The following SLF2 variants were observed in gnomAD, a reference collection of about 807,000 sequenced individuals.
SLF2 encodes the protein SMC5-SMC6 complex localization factor protein 2.
Under a neutral mutation model 124.3 loss-of-function variants are expected in SLF2, and 68 were observed. That is an observed-to-expected ratio of 0.55 (90% CI 0.45 to 0.67). The LOEUF is 0.67. Ranked by LOEUF, SLF2 falls within the 30% of genes least tolerant of loss-of-function variation. The probability of loss-of-function intolerance (pLI) is 0.00; values close to 1 mark genes in which losing one functional copy is unlikely to be tolerated. For missense variants in SLF2, 1,246 were observed against 1,373.7 expected (o/e 0.91, Z 1.47); for synonymous variants, 480 against 478.8 (o/e 1.00, Z -0.03).
chr10:100,948,887 A>C (rs1235506315), intron 15 of SLF2, among the ~76,000 whole-genome samples: 2 of 152,192 alleles, frequency 1.3e-5, no homozygotes, highest in Non-Finnish European at 2.9e-5. Context: ...CTCTGTCTCA[A>C]AAAAAAGCCC....
At position 100,947,064 on chromosome 10, in the gene SLF2, A is replaced by G. The variant is rs1229937386; in HGVS notation, c.2960A>G (p.Asn987Ser). ...TKVPELCLGINELSSHPHNLL... is the reference protein window; with the variant it reads ...TKVPELCLGISELSSHPHNLL... ...GTGCCTGAACTCTGTCTGGGCATAA[A>G]TGAACTCTCCAGTCATCCCCACAAC... The change falls in exon 14 of 20, where the codon AAT (asparagine) becomes AGT (serine). Residue 987 changes from asparagine to serine, a missense_variant. Physicochemically the swap from Asn to Ser is conservative, Grantham distance 46. Coordinates refer to ENST00000238961, the MANE Select transcript of SLF2 (RefSeq NM_018121.4). 1 of 1,613,650 alleles carries G rather than the reference A, an allele frequency of 6.2e-7. No individual in the cohort carries two copies. The highest frequency in any genetic ancestry group is 8.5e-7 in the Non-Finnish European group (1 of 1,179,784).
At chr10:100,952,618 T>G (rs146053196) in intron 17 of SLF2, among the ~76,000 whole-genome samples, 3 of 151,952 alleles carry the variant, frequency 2.0e-5, no homozygotes, top group Non-Finnish European at 4.4e-5. Flanking sequence ...CTAATTCTTA[T>G]GTTTTTATAA....
intron 1 of SLF2, chr10:100,913,627 C>T: frequency 9.3e-7 from 1 of 1,080,700 alleles, no homozygotes; most frequent in Non-Finnish European, 1.1e-6. Flanking sequence ...GTAATATAAA[C>T]CTTTTCTATG....
intron 9 of SLF2, among the ~76,000 whole-genome samples, chr10:100,932,816 G>A (rs535964078): frequency 6.6e-6 from 1 of 152,168 alleles, no homozygotes; most frequent in South Asian, 2.1e-4. Context: ...AGAGTACCGG[G>A]GTGAGAGAGA....
intron 11 of SLF2, among the ~76,000 whole-genome samples, chr10:100,941,643 G>A (rs184468033): frequency 1.3e-5 from 2 of 152,260 alleles, no homozygotes; most frequent in Admixed American, 6.5e-5. Flanking sequence ...ACCCTGACCT[G>A]TTTTCTGTTT....
At chr10:100,957,330 ATTTTTTTTTTT>A (rs71013477) in intron 18 of SLF2, among the ~76,000 whole-genome samples, 22 of 91,852 alleles carry the variant, frequency 2.4e-4, no homozygotes, top group African/African-American at 9.6e-4. Flanking sequence ...GGAGTCTTCA[ATTTTTTTTTTT>A]TTTTTTTTTT....
Position 100,964,651 on chromosome 10 carries a change from G to A in SLF2, c.*2739G>A, listed in dbSNP as rs1183862051. 6.6e-6 allele frequency: 1 copy of A among 152,626 alleles called. No individual in the cohort carries two copies. The highest frequency in any genetic ancestry group is 1.5e-5 in the Non-Finnish European group (1 of 68,046). 9.5% of individuals were successfully genotyped at this position (152,626 alleles called of 1,614,324 possible). A position where few individuals can be genotyped will look rare whatever the true frequency, so the allele number is the denominator to read the frequency against. On this transcript the variant is annotated 3_prime_UTR_variant, in exon 20 of 20. Transcript: ENST00000238961. Reference sequence around the variant, plus strand: ...TCAAATGTAAAAGATACAAAATGGCGTGTTATCATCCAGGCTTAGTTGGAG... The same window carrying A: ...TCAAATGTAAAAGATACAAAATGGCATGTTATCATCCAGGCTTAGTTGGAG...
chr10:100,933,941 A>T (rs537746485), intron 9 of SLF2, among the ~76,000 whole-genome samples: 1 of 152,330 alleles, frequency 6.6e-6, no homozygotes, highest in South Asian at 2.1e-4. Flanking sequence ...GGCCTCCCAA[A>T]GTTCTGGGAC....
rs761277065 is a variant in SLF2 at position 100,913,211 on chromosome 10, A to G, written c.101A>G (p.His34Arg). 31 of 1,612,022 alleles carry G rather than the reference A, an allele frequency of 1.9e-5. No individual in the cohort carries two copies. The highest frequency in any genetic ancestry group is 1.7e-4 in the Middle Eastern group (1 of 6,054). ...CATCTGAGACCCGGTAGTACCGCCC[A>G]TGCTGCAGCGGGAAAGAGAACAGAG... Reference protein sequence around the residue: ...RCHLRPGSTAHAAAGKRTESP... With the variant: ...RCHLRPGSTARAAAGKRTESP... The change falls in exon 1 of 20, where the codon CAT becomes CGT. Residue 34 changes from histidine (H) to arginine (R), a missense_variant. By Grantham distance (29) the His-to-Arg change is conservative. Transcript: ENST00000238961.
At chr10:100,914,472 G>A (rs952463436) in intron 1 of SLF2, among the ~76,000 whole-genome samples, 5 of 152,128 alleles carry the variant, frequency 3.3e-5, no homozygotes, top group Non-Finnish European at 7.3e-5. Context: ...TAATCAAAAA[G>A]GAGTCTGAGG....
At chr10:100,948,092 A>C (rs1850139158) in intron 15 of SLF2, among the ~76,000 whole-genome samples, 1 of 152,264 alleles carries the variant, frequency 6.6e-6, no homozygotes, top group Non-Finnish European at 1.5e-5. Flanking sequence ...TTAATGTATA[A>C]AGAAACTACT....
rs1026045611 is a variant in SLF2, at chr10:100,963,154, G to A, written c.*1242G>A. The A allele has an allele frequency of 6.6e-6, 1 of 152,528 alleles. No homozygotes were observed. The highest frequency in any genetic ancestry group is 1.5e-5 in the Non-Finnish European group (1 of 68,026). The allele number at this position is 152,528 out of a possible 1,614,324, so 9.4% of individuals were successfully genotyped here. On this transcript the variant is annotated 3_prime_UTR_variant, in exon 20 of 20. Coordinates refer to ENST00000238961, the MANE Select transcript of SLF2 (RefSeq NM_018121.4). ...TCTCCTGAGTGCTCTAGTGTCTCCA[G>A]TTGTGGGGGGGAAAGATGATGGAGG...
At chr10:100,933,100 T>C (rs1034180489) in intron 9 of SLF2, among the ~76,000 whole-genome samples, 4 of 152,100 alleles carry the variant, frequency 2.6e-5, no homozygotes, top group Non-Finnish European at 5.9e-5. Context: ...AGACCCCATA[T>C]CAAAAAAACA....
Position 100,937,397 on chromosome 10 carries a change from G to T in SLF2, c.2437-5G>T. The T allele has an allele frequency of 1.2e-6, 2 of 1,601,222 alleles. No individual in the cohort carries two copies. Among genetic ancestry groups the T allele is most frequent in the South Asian group, 2.2e-5 (2 of 90,740 alleles). On this transcript the variant is annotated splice_region_variant and splice_polypyrimidine_tract_variant and intron_variant, in intron 9 of 19. Coordinates refer to ENST00000238961, the MANE Select transcript of SLF2 (RefSeq NM_018121.4). Reference sequence around the variant, plus strand: ...AATATCCTGTCATTTCTCTGCTTTTGACAGATGATGTCAGTTCATACAGAC... The same window carrying T: ...AATATCCTGTCATTTCTCTGCTTTTTACAGATGATGTCAGTTCATACAGAC...
At chr10:100,917,373 TAA>T (rs1375658645) in intron 3 of SLF2, 73 bp downstream of exon 3, 1 of 1,447,216 alleles carries the variant, frequency 6.9e-7, no homozygotes, top group Admixed American at 2.3e-5. Flanking sequence ...TAAAAATATT[TAA>T]GAGTTGTTAC....
In SLF2 at chr10:100,924,704, G is replaced by T. The variant is rs758364735; in HGVS notation, c.1703G>T (p.Ser568Ile). 1.2e-6 allele frequency: 2 copies of T among 1,614,020 alleles called. No homozygotes were observed. Among genetic ancestry groups the T allele is most frequent in the East Asian group, 4.5e-5 (2 of 44,904 alleles). ...TTGGAAGTTGTGCCATGTATCCCAA[G>T]CCCTGCAGCACCTTCAGATAAAGCC... ...AALEVVPCIP[S>I]PAAPSDKAPS... The change falls in exon 5 of 20, where the codon AGC (serine) becomes ATC (isoleucine). Residue 568 changes from serine to isoleucine, a missense_variant. Physicochemically the swap from Ser to Ile is moderately radical, Grantham distance 142. Coordinates refer to ENST00000238961, the MANE Select transcript of SLF2 (RefSeq NM_018121.4).
chr10:100,963,909 AT>A lies in SLF2; in HGVS notation c.*2000del, dbSNP rs1345144337. ...GAAAAAAATCTCTATTTTTAATTATATTTCTCCTTTAGAAAAAAAATACTTC... is the reference window on the plus strand; with the variant it reads ...GAAAAAAATCTCTATTTTTAATTATATTCTCCTTTAGAAAAAAAATACTTC... On this transcript the variant is annotated 3_prime_UTR_variant, in exon 20 of 20. Coordinates refer to ENST00000238961, the MANE Select transcript of SLF2 (RefSeq NM_018121.4). The A allele has an allele frequency of 6.6e-6, 1 of 152,480 alleles. No homozygotes were observed. The highest frequency in any genetic ancestry group is 1.5e-5 in the Non-Finnish European group (1 of 67,994). The allele number at this position is 152,480 out of a possible 1,614,324, so 9.4% of individuals were successfully genotyped here.
intron 13 of SLF2, among the ~76,000 whole-genome samples, chr10:100,945,888 A>C (rs1850095690): frequency 6.6e-6 from 1 of 152,192 alleles, no homozygotes; most frequent in African/African-American, 2.4e-5. Context: ...ACTACAAATG[A>C]AAATAAAGCA....
At position 100,956,481 on chromosome 10, in the gene SLF2, G is replaced by A; in HGVS notation, c.3361G>A (p.Glu1121Lys). 6.2e-7 allele frequency: 1 copy of A among 1,613,414 alleles called. No individual in the cohort carries two copies. The highest frequency in any genetic ancestry group is 1.1e-5 in the South Asian group (1 of 90,946). The change falls in exon 18 of 20, where the codon GAA becomes AAA. Residue 1121 changes from glutamate to lysine, a missense_variant. Physicochemically the swap from Glu to Lys is moderately conservative, Grantham distance 56. Transcript: ENST00000238961. ...CTTTGTGCTACTCTGTGGGGCTTTG[G>A]AAAAGCATGTTAAATGTGATATTAG... ...KHFVLLCGAL[E>K]KHVKCDIRED...
Sources: allele counts gnomAD v4.1 joint callset (sites outside exome capture counted in the v4.1 genomes callset), GRCh38; gene constraint gnomAD v4.1.1; transcripts MANE v1.5; gene names NCBI Gene and HGNC (gene_info 2026-07-23, HGNC 2026-07-21).